DGKH: variants seen among roughly 807,000 people sequenced by gnomAD.
DGKH encodes the protein diacylglycerol kinase eta, also known as DAG kinase eta.
In DGKH, 90 loss-of-function variants were observed where a neutral mutation model predicts 159.3. The observed-to-expected ratio is 0.57, with a 90% CI of 0.48 to 0.67. The LOEUF is 0.67. Ranked by LOEUF, DGKH falls within the 30% of genes least tolerant of loss-of-function variation. The pLI is 0.00. For missense variants in DGKH, 1,181 were observed against 1,506.1 expected (o/e 0.78, Z 3.57); for synonymous variants, 536 against 553.8 (o/e 0.97, Z 0.45).
At chr13:42,070,291 A>G (rs1042399291) in intron 1 of DGKH, 10 of 1,260,096 alleles carry the variant, frequency 7.9e-6, no homozygotes, top group Non-Finnish European at 9.3e-6. Flanking sequence ...GTGATTTCTA[A>G]TGTAAACTGG....
intron 20 of DGKH, among the ~76,000 whole-genome samples, chr13:42,202,960 A>G (rs1231792079): frequency 6.6e-6 from 1 of 152,202 alleles, no homozygotes; most frequent in Non-Finnish European, 1.5e-5. Flanking sequence ...ACTAAGATAC[A>G]TGAAGAAAAA....
intron 1 of DGKH, among the ~76,000 whole-genome samples, chr13:42,121,832 G>A (rs1955079274): frequency 6.6e-6 from 1 of 152,212 alleles, no homozygotes; most frequent in Admixed American, 6.5e-5. Flanking sequence ...CTGGGACACA[G>A]AGAGTCCTTC....
chr13:42,113,985 A>G lies in DGKH; in HGVS notation c.193-13478A>G, dbSNP rs1411174895. Among the ~76,000 whole-genome samples, 4 of 152,118 alleles carry G rather than the reference A, an allele frequency of 2.6e-5. No individual in the cohort carries two copies. The South Asian group carries it at 8.3e-4, about 32-fold the overall frequency. On this transcript the variant is annotated intron_variant, in intron 1 of 29. Coordinates refer to ENST00000337343, the MANE Select transcript of DGKH (RefSeq NM_178009.5). The stretch of plus-strand genomic sequence containing the variant: ...AGTTTAACTGCTGGATAAAATATGG[A>G]AGGATAGAAAATCTACTGTCTTTTA...
intron 1 of DGKH, among the ~76,000 whole-genome samples, chr13:42,108,851 G>GAAGGA (rs3039218): frequency 0.43 from 65,740 of 151,346 alleles, 14,496 homozygotes; most frequent in Non-Finnish European, 0.47. Flanking sequence ...CAGTAAGGCT[G>GAAGGA]AAGGAAAGGA....
chr13:42,095,872 A>G (rs1377408897), intron 1 of DGKH, among the ~76,000 whole-genome samples: 1 of 152,152 alleles, frequency 6.6e-6, no homozygotes. Context: ...AAAACTTTAC[A>G]TTTGCTTGAA....
chr13:42,137,307 G>A (rs919685658), intron 3 of DGKH, among the ~76,000 whole-genome samples: 2 of 152,160 alleles, frequency 1.3e-5, no homozygotes, highest in Admixed American at 1.3e-4. Context: ...TGACAAGTAA[G>A]TTGCCTACCT....
At chr13:42,116,517 A>T (rs1481757307) in intron 1 of DGKH, among the ~76,000 whole-genome samples, 1 of 152,186 alleles carries the variant, frequency 6.6e-6, no homozygotes, top group Non-Finnish European at 1.5e-5. Flanking sequence ...TGACCTTTGC[A>T]CTTTACACAC....
intron 30 of DGKH, chr13:42,256,146 TG>T: frequency 8.5e-7 from 1 of 1,179,220 alleles, no homozygotes; most frequent in South Asian, 1.2e-5. Context: ...GCAATGACCA[TG>T]GTTGTAGCCC....
At chr13:42,100,331 C>T (rs904253785) in intron 1 of DGKH, among the ~76,000 whole-genome samples, 1 of 152,160 alleles carries the variant, frequency 6.6e-6, no homozygotes, top group South Asian at 2.1e-4. Flanking sequence ...AAGCTTAGGG[C>T]TCCCACTGAT....
At position 42,234,270 on chromosome 13, in the gene DGKH, G is replaced by T. The variant is rs982457375; in HGVS notation, c.*5082G>T. 1 of 152,010 alleles carries T rather than the reference G, an allele frequency of 6.6e-6. No homozygotes were observed. The highest frequency in any genetic ancestry group is 1.5e-5 in the Non-Finnish European group (1 of 68,000). The allele number at this position is 152,010 out of a possible 1,614,324, so 9.4% of individuals were successfully genotyped here. On this transcript the variant is annotated 3_prime_UTR_variant, in exon 30 of 30. Coordinates refer to ENST00000337343, the MANE Select transcript of DGKH (RefSeq NM_178009.5). ...TTAGCTAATTTTTATTAATAAAGAG[G>T]ACAATATTTTTGTCTTCATGGAACT...
chr13:42,219,804 C>A lies in DGKH; in HGVS notation c.3442+10C>A. 1 of 1,608,434 alleles carries A rather than the reference C, an allele frequency of 6.2e-7. No homozygotes were observed. The highest frequency in any genetic ancestry group is 1.1e-5 in the South Asian group (1 of 90,668). On this transcript the variant is annotated intron_variant, in intron 28 of 29. Coordinates refer to ENST00000337343, the MANE Select transcript of DGKH (RefSeq NM_178009.5). ...ACAAGTTCACAGCCTGGTAGGTGGT[C>A]CATATGGAAGGGGAAATATAACATT...
chr13:42,173,404 A>G (rs1956513254), intron 11 of DGKH, among the ~76,000 whole-genome samples: 1 of 152,186 alleles, frequency 6.6e-6, no homozygotes, highest in Non-Finnish European at 1.5e-5. Flanking sequence ...AAATGATTTT[A>G]TGTTTGCTTT....
intron 3 of DGKH, among the ~76,000 whole-genome samples, chr13:42,131,212 A>T (rs1407891421): frequency 6.6e-6 from 1 of 152,210 alleles, no homozygotes; most frequent in Non-Finnish European, 1.5e-5. Context: ...AGGAGAACAG[A>T]GATAGCTAGT....
chr13:42,084,277 C>A (rs145535972), intron 1 of DGKH, among the ~76,000 whole-genome samples: 142 of 151,948 alleles, frequency 9.3e-4, no homozygotes, highest in African/African-American at 2.1e-3. Context: ...CATGTTTATT[C>A]ACAGGTATCT....
intron 1 of DGKH, among the ~76,000 whole-genome samples, chr13:42,093,100 C>T (rs1954451938): frequency 2.0e-5 from 3 of 151,822 alleles, no homozygotes; most frequent in Admixed American, 6.6e-5. Flanking sequence ...AAAAATTAGC[C>T]AGGCATGGTG....
At chr13:42,165,507 T>C (rs1956290055) in intron 8 of DGKH, 74 bp downstream of exon 8, 4 of 787,516 alleles carry the variant, frequency 5.1e-6, no homozygotes, top group Middle Eastern at 2.7e-4. Context: ...TTTCCTAGAA[T>C]AATAACTATG....
chr13:42,189,383 T>G, intron 15 of DGKH, 74 bp downstream of exon 15: 1 of 1,574,556 alleles, frequency 6.4e-7, no homozygotes, highest in Non-Finnish European at 8.6e-7. Context: ...GTTTCCATAG[T>G]GGTCAGATTG....
At chr13:42,090,842 G>A (rs1954404052) in intron 1 of DGKH, among the ~76,000 whole-genome samples, 1 of 152,168 alleles carries the variant, frequency 6.6e-6, no homozygotes, top group African/African-American at 2.4e-5. Flanking sequence ...AGCCCCCATG[G>A]ATGGCATTAG....
At chr13:42,211,300 G>A (rs1322109938) in intron 24 of DGKH, among the ~76,000 whole-genome samples, 1 of 152,178 alleles carries the variant, frequency 6.6e-6, no homozygotes, top group Non-Finnish European at 1.5e-5. Context: ...TAGGGTGTGT[G>A]AAGATTAAAT....
Sources: allele counts gnomAD v4.1 joint callset (sites outside exome capture counted in the v4.1 genomes callset), GRCh38; gene constraint gnomAD v4.1.1; transcripts MANE v1.5; gene names NCBI Gene and HGNC (gene_info 2026-07-23, HGNC 2026-07-21).